The following PAPLN variants were observed in gnomAD, a reference collection of about 807,000 sequenced individuals.
PAPLN encodes the protein papilin, proteoglycan like sulfated glycoprotein.
A neutral mutation model predicts 159.0 loss-of-function variants in PAPLN; 146 were observed. That is an observed-to-expected ratio of 0.92 (90% CI 0.80 to 1.05). The LOEUF (loss-of-function observed/expected upper bound fraction) is 1.05. Ranked by LOEUF, PAPLN falls within the 50% of genes least tolerant of loss-of-function variation. The probability of loss-of-function intolerance (pLI) is 0.00; values close to 1 mark genes in which losing one functional copy is unlikely to be tolerated. For missense variants in PAPLN, 1,720 were observed against 1,743.9 expected, an observed-to-expected ratio of 0.99 and a Z score of 0.24; for synonymous variants, 734 against 702.9, an observed-to-expected ratio of 1.04 and a Z score of -0.70.
At position 73,254,696 on chromosome 14, in the gene PAPLN, G is replaced by A. The variant is rs954758272; in HGVS notation, c.1485+1G>A. The A allele has an allele frequency of 6.2e-7, 1 of 1,613,026 alleles. No individual in the cohort carries two copies. The highest frequency in any genetic ancestry group is 8.5e-7 in the Non-Finnish European group (1 of 1,179,300). On this transcript the variant is annotated splice_donor_variant, in intron 13 of 26. Coordinates refer to ENST00000644200, the MANE Select transcript of PAPLN (RefSeq NM_001365906.3). LOFTEE classifies it high-confidence loss of function. ...CTGGCATGTTGGCACCTGGGGTCTA[G>A]TGAGTGCTCTCCACCCCCACACCTG...
Position 73,262,680 on chromosome 14 carries a change from G to A in PAPLN, c.2576G>A (p.Arg859Gln), listed in dbSNP as rs1177757882. The A allele has an allele frequency of 1.7e-5, 25 of 1,509,488 alleles. No homozygotes were observed. Among genetic ancestry groups the A allele is most frequent in the Middle Eastern group, 2.0e-4 (1 of 5,122 alleles). 93.5% of individuals were successfully genotyped at this position (1,509,488 alleles called of 1,614,324 possible). Residue 859 changes from arginine to glutamine, a missense_variant, in exon 19 of 27, where the codon CGG becomes CAG. Transcript: ENST00000644200. ...CCCTGGCCTTCTGGTGGTCTCTGGC[G>A]GCAAGACCAACAGCCTGGGCCAGGG... ...RKPWPSGGLW[R>Q]QDQQPGPGEA... is the part of the protein sequence containing the mutation.
intron 12 of PAPLN, among the ~76,000 whole-genome samples, chr14:73,254,165 C>T (rs177392): frequency 0.61 from 93,419 of 152,080 alleles, 29,148 homozygotes; most frequent in Middle Eastern, 0.74. Context: ...TCCAGGATCC[C>T]AGGGCAGGGC....
At position 73,262,357 on chromosome 14, in the gene PAPLN, C is replaced by T. The variant is rs775105004; in HGVS notation, c.2253C>T (p.Pro751=). ...GCVGQPSHAY[P]VRCLLPSAHG... ...CACACCCATGCCCTGCAGCCTACCC[C>T]GTGCGGTGCCTGCTGCCCAGTGCCC... is the stretch of plus-strand genomic sequence containing the variant. Residue 751 remains proline, a synonymous_variant, in exon 19 of 27, where the codon CCC becomes CCT. Transcript: ENST00000644200. 9.9e-6 allele frequency: 16 copies of T among 1,610,764 alleles called. No individual in the cohort carries two copies. The highest frequency in any genetic ancestry group is 2.7e-5 in the African/African-American group (2 of 74,928).
At chr14:73,260,972 G>C in intron 17 of PAPLN, 143 bp downstream of exon 17, 2 of 1,406,056 alleles carry the variant, frequency 1.4e-6, no homozygotes, top group Non-Finnish European at 1.9e-6. Context: ...CCTCTGGAGG[G>C]CACCGGGCTT....
rs750890425 is a variant in PAPLN at position 73,253,832 on chromosome 14, G to C, written c.1173G>C (p.Ser391=). Residue 391 remains serine, a synonymous_variant, in exon 12 of 27, where the codon TCG becomes TCC. Coordinates refer to ENST00000644200, the MANE Select transcript of PAPLN (RefSeq NM_001365906.3). Reference sequence around the variant, plus strand: ...AGTCCCGCTCCGTGTACTGCATCTCGTCTGACGGGGCCGGCATCCAGGAGG... The same window carrying C: ...AGTCCCGCTCCGTGTACTGCATCTCCTCTGACGGGGCCGGCATCCAGGAGG... The part of the protein sequence containing the change: ...GSQSRSVYCI[S]SDGAGIQEAV... The C allele has an allele frequency of 6.2e-7, 1 of 1,613,678 alleles. No individual in the cohort carries two copies. The highest frequency in any genetic ancestry group is 8.5e-7 in the Non-Finnish European group (1 of 1,179,964).
chr14:73,269,782 C>T (rs1055728893), intron 26 of PAPLN, among the ~76,000 whole-genome samples: 13 of 152,180 alleles, frequency 8.5e-5, no homozygotes, highest in African/African-American at 3.1e-4. Context: ...GGTGCCAGGG[C>T]CCTTCCTGCC....
chr14:73,267,944 T>A (rs1193920776), intron 25 of PAPLN, among the ~76,000 whole-genome samples: 1 of 152,174 alleles, frequency 6.6e-6, no homozygotes, highest in East Asian at 1.9e-4. Context: ...TTCATCTCCC[T>A]ACTCACTTCT....
At chr14:73,237,332 TG>T (rs759760653), upstream of PAPLN, among the ~76,000 whole-genome samples, 3 of 152,044 alleles carry the variant, frequency 2.0e-5, no homozygotes, top group South Asian at 2.1e-4. Flanking sequence ...AGCCAAGCCT[TG>T]GCACAGACCC....
intron 26 of PAPLN, among the ~76,000 whole-genome samples, chr14:73,270,600 C>A (rs1341730529): frequency 1.3e-5 from 2 of 152,184 alleles, no homozygotes; most frequent in East Asian, 3.9e-4. Context: ...TACATAATAA[C>A]CAAATCAAGG....
At chr14:73,253,656 G>C in intron 11 of PAPLN, 98 bp from the exon 12 acceptor site, 2 of 1,151,652 alleles carry the variant, frequency 1.7e-6, no homozygotes, top group East Asian at 2.4e-5. Flanking sequence ...TGGGGTGGGG[G>C]TCCTCAGGCC....
chr14:73,255,096 C>T, intron 14 of PAPLN, 78 bp downstream of exon 14: 1 of 1,515,312 alleles, frequency 6.6e-7, no homozygotes, highest in South Asian at 1.2e-5. Flanking sequence ...GCATGTCCTG[C>T]CTCGGGGCCT....
chr14:73,254,818 G>A (rs1235495738), intron 13 of PAPLN, 59 bp from the exon 14 acceptor site: 1 of 1,600,062 alleles, frequency 6.2e-7, no homozygotes, highest in Non-Finnish European at 8.5e-7. Flanking sequence ...CTCTCCATGT[G>A]GGTCCCCGCC....
At chr14:73,238,854 A>C (rs1481042372) in intron 1 of PAPLN, among the ~76,000 whole-genome samples, 1 of 152,244 alleles carries the variant, frequency 6.6e-6, no homozygotes, top group East Asian at 1.9e-4. Context: ...ATCTTTAAAA[A>C]ATTAGAACAT....
At chr14:73,267,715 C>T (rs1199470089) in intron 25 of PAPLN, among the ~76,000 whole-genome samples, 5 of 152,304 alleles carry the variant, frequency 3.3e-5, no homozygotes, top group South Asian at 2.1e-4. Context: ...CGGTGGGAGC[C>T]GCTAGAGGTG....
intron 5 of PAPLN, 90 bp downstream of exon 5, chr14:73,246,265 C>CATATAT: frequency 9.9e-7 from 1 of 1,013,886 alleles, no homozygotes; most frequent in Non-Finnish European, 1.4e-6. Flanking sequence ...GAGGCGTTGT[C>CATATAT]ATATATATAT....
Position 73,258,953 on chromosome 14 carries a change from C to A in PAPLN, c.1628-26C>A. On this transcript the variant is annotated intron_variant, in intron 14 of 26. Transcript: ENST00000644200. ...ATCCTCTCTTCCTCCCTCTCCGTCC[C>A]ACATGGACCTCCCGGCTCCCTGCAG... The A allele has an allele frequency of 2.5e-6, 4 of 1,593,910 alleles. No homozygotes were observed. The South Asian group carries it at 3.4e-5, about 14-fold the overall frequency.
chr14:73,251,948 G>A (rs1464054677), intron 9 of PAPLN, 70 bp from the exon 10 acceptor site: 39 of 1,555,566 alleles, frequency 2.5e-5, no homozygotes, highest in Non-Finnish European at 3.0e-5. Flanking sequence ...CTGGCAGGGG[G>A]CTGTGAGGCT....
intron 18 of PAPLN, 71 bp from the exon 19 acceptor site, chr14:73,262,279 G>C: frequency 7.0e-7 from 1 of 1,430,554 alleles, no homozygotes; most frequent in Non-Finnish European, 9.6e-7. Flanking sequence ...TGAGTCGGAG[G>C]CTGAGAGGAT....
chr14:73,261,067 C>A, intron 17 of PAPLN, 89 bp from the exon 18 acceptor site: 1 of 1,602,654 alleles, frequency 6.2e-7, no homozygotes, highest in Non-Finnish European at 8.5e-7. Flanking sequence ...TCTGGCCCCT[C>A]CTTCCTGCCA....
Sources: allele counts gnomAD v4.1 joint callset (sites outside exome capture counted in the v4.1 genomes callset), GRCh38; gene constraint gnomAD v4.1.1; transcripts MANE v1.5; gene names NCBI Gene and HGNC (gene_info 2026-07-23, HGNC 2026-07-21).